The following GATA4 variants were observed in gnomAD, a reference collection of about 807,000 sequenced individuals.
The protein encoded by GATA4 is transcription factor GATA-4.
In GATA4, 7 loss-of-function variants were observed where a neutral mutation model predicts 37.9. The observed-to-expected ratio is 0.18, with a 90% CI of 0.11 to 0.35. GATA4 has a LOEUF of 0.35. GATA4 is among the 10% of genes least tolerant of loss of function. The pLI is 1.00. For missense variants in GATA4, 647 were observed against 653.0 expected (o/e 0.99, Z 0.10); for synonymous variants, 372 against 292.6 (o/e 1.27, Z -2.77).
At chr8:11,717,123 G>A (rs1045291756) in intron 2 of GATA4, among the ~76,000 whole-genome samples, 1 of 152,150 alleles carries the variant, frequency 6.6e-6, no homozygotes, top group African/African-American at 2.4e-5. Context: ...GGCCCCATAT[G>A]CCATACAACA....
intron 2 of GATA4, among the ~76,000 whole-genome samples, chr8:11,742,204 G>T (rs1801772950): frequency 6.6e-6 from 1 of 152,114 alleles, no homozygotes; most frequent in South Asian, 2.1e-4. Context: ...TCTTTCCACA[G>T]TTCCTCCAGT....
chr8:11,693,821 C>G (rs909276756), intron 1 of GATA4, among the ~76,000 whole-genome samples: 4 of 152,090 alleles, frequency 2.6e-5, no homozygotes, highest in Non-Finnish European at 5.9e-5. Flanking sequence ...TGAAAAGGGC[C>G]AAGTCATAGG....
At chr8:11,714,670 T>G (rs1420256772) in intron 2 of GATA4, among the ~76,000 whole-genome samples, 1 of 152,212 alleles carries the variant, frequency 6.6e-6, no homozygotes, top group Non-Finnish European at 1.5e-5. Flanking sequence ...CTTGCCCAGT[T>G]GTGTCCCATC....
chr8:11,742,825 A>G (rs948572558), intron 2 of GATA4, among the ~76,000 whole-genome samples: 3 of 152,234 alleles, frequency 2.0e-5, no homozygotes, highest in African/African-American at 7.2e-5. Context: ...CGGGAAATCC[A>G]GGCTCCATCT....
At chr8:11,746,353 G>C (rs566155371) in intron 2 of GATA4, among the ~76,000 whole-genome samples, 1 of 152,202 alleles carries the variant, frequency 6.6e-6, no homozygotes, top group Non-Finnish European at 1.5e-5. Context: ...TTGGGTGAGA[G>C]TGAACCCGGT....
intron 4 of GATA4, among the ~76,000 whole-genome samples, chr8:11,752,995 A>T (rs1802374942): frequency 1.3e-5 from 2 of 152,226 alleles, no homozygotes; most frequent in Non-Finnish European, 2.9e-5. Flanking sequence ...TATTAAAAAG[A>T]TTATATTCTC....
At chr8:11,681,037 G>T in intron 1 of GATA4, 1 of 939,616 alleles carries the variant, frequency 1.1e-6, no homozygotes, top group Non-Finnish European at 1.3e-6. Context: ...GCAAAGCACA[G>T]ATCTAATGCC....
chr8:11,737,106 C>A (rs901087118), intron 2 of GATA4, among the ~76,000 whole-genome samples: 1 of 152,034 alleles, frequency 6.6e-6, no homozygotes, highest in Admixed American at 6.5e-5. Context: ...AAAGTGATGG[C>A]GATTGGAGCT....
intron 2 of GATA4, among the ~76,000 whole-genome samples, chr8:11,739,105 GC>G (rs1554494872): frequency 6.6e-6 from 1 of 152,212 alleles, no homozygotes; most frequent in Non-Finnish European, 1.5e-5. Context: ...TTTCTTTCCG[GC>G]CAGGAGGATC....
intron 2 of GATA4, among the ~76,000 whole-genome samples, chr8:11,714,297 A>G (rs1359917560): frequency 6.6e-6 from 1 of 152,248 alleles, no homozygotes; most frequent in East Asian, 1.9e-4. Context: ...TATTCAAACA[A>G]TTTATTTAAA....
chr8:11,741,774 G>A (rs545149579), intron 2 of GATA4, among the ~76,000 whole-genome samples: 7 of 152,322 alleles, frequency 4.6e-5, no homozygotes, highest in African/African-American at 1.7e-4. Context: ...GAGATGTTGG[G>A]AAGTTTCTGA....
rs1802201242 is a variant in GATA4, at chr8:11,749,730, A to T, written c.787-381A>T. Among the ~76,000 whole-genome samples, 1 of 152,164 alleles carries T rather than the reference A, an allele frequency of 6.6e-6. No homozygotes were observed. The highest frequency in any genetic ancestry group is 1.5e-5 in the Non-Finnish European group (1 of 68,028). ...ATTCAGACTTTGATACCATTTGGAC[A>T]CCGTGATTCCTCACTCTCTGCCTGC... On this transcript the variant is annotated intron_variant, in intron 3 of 6. Coordinates refer to ENST00000532059, the MANE Select transcript of GATA4 (RefSeq NM_001308093.3). This position sits in a 1 kb window ranked among gnomAD's most constrained non-coding sequence, Gnocchi z 4.6.
At position 11,750,167 on chromosome 8, in the gene GATA4, G is replaced by C; in HGVS notation, c.843G>C (p.Thr281=). 6.2e-7 allele frequency: 1 copy of C among 1,613,870 alleles called. No individual in the cohort carries two copies. The highest frequency in any genetic ancestry group is 8.5e-7 in the Non-Finnish European group (1 of 1,180,046). The change falls in exon 4 of 7, where the codon ACG becomes ACC. Residue 281 remains threonine (T), a synonymous_variant. Transcript: ENST00000532059. ...SCANCQTTTT[T]LWRRNAEGEP... ...CCAACTGCCAGACCACCACCACCACGCTGTGGCGCCGCAATGCGGAGGGCG... is the reference window on the plus strand; with the variant it reads ...CCAACTGCCAGACCACCACCACCACCCTGTGGCGCCGCAATGCGGAGGGCG...
chr8:11,748,375 G>T (rs1334349835), intron 2 of GATA4, among the ~76,000 whole-genome samples: 1 of 152,166 alleles, frequency 6.6e-6, no homozygotes, highest in Non-Finnish European at 1.5e-5. Context: ...CTGGGTGACA[G>T]AGTGACCCTG....
chr8:11,697,958 C>A (rs1799554836), intron 1 of GATA4: 3 of 985,472 alleles, frequency 3.0e-6, no homozygotes, highest in Non-Finnish European at 3.6e-6. Context: ...CCTGGCGGCG[C>A]TCCAGCCGCG....
chr8:11,757,183 C>T, intron 6 of GATA4, 100 bp downstream of exon 6: 1 of 1,527,974 alleles, frequency 6.5e-7, no homozygotes, highest in Non-Finnish European at 8.9e-7. Context: ...AGCCAGGCCT[C>T]ACAGGTGCAA....
chr8:11,759,582 C>CAAACA lies in GATA4; in HGVS notation c.*1108_*1112dup, dbSNP rs1419746761. On this transcript the variant is annotated 3_prime_UTR_variant, in exon 7 of 7. Coordinates refer to ENST00000532059, the MANE Select transcript of GATA4 (RefSeq NM_001308093.3). ...TTCTGCAACACGAATTCGAAGCAAA[C>CAAACA]AAACACAACACAACAGAATTCCTGG... 1.3e-5 allele frequency: 2 copies of CAAACA among 152,304 alleles called. No individual in the cohort carries two copies. The highest frequency in any genetic ancestry group is 4.8e-5 in the African/African-American group (2 of 41,464). The allele number at this position is 152,304 out of a possible 1,614,324, so 9.4% of individuals were successfully genotyped here.
At chr8:11,728,946 C>G (rs936193836) in intron 2 of GATA4, among the ~76,000 whole-genome samples, 24 of 152,164 alleles carry the variant, frequency 1.6e-4, no homozygotes, top group African/African-American at 5.8e-4. Flanking sequence ...AAAGACCTAG[C>G]TGACGGCCAG....
intron 1 of GATA4, chr8:11,680,820 C>A (rs902618983): frequency 3.0e-6 from 3 of 985,366 alleles, no homozygotes; most frequent in East Asian, 1.1e-4. Context: ...ACGCCTCGGT[C>A]CCCACGCTCT....
Sources: allele counts gnomAD v4.1 joint callset (sites outside exome capture counted in the v4.1 genomes callset), GRCh38; gene constraint gnomAD v4.1.1; non-coding constraint Gnocchi (gnomAD v3.1); transcripts MANE v1.5; gene names NCBI Gene and HGNC (gene_info 2026-07-23, HGNC 2026-07-21).